The following DCC variants were observed in gnomAD, a reference collection of about 807,000 sequenced individuals.
DCC encodes the protein netrin receptor DCC.
Under a neutral mutation model 172.5 loss-of-function variants are expected in DCC, and 58 were observed. The observed-to-expected ratio is 0.34, with a 90% CI of 0.27 to 0.42. The LOEUF is 0.42. Among genes scored for constraint, DCC ranks in the 10% least tolerant of loss-of-function variants. The probability of loss-of-function intolerance (pLI) is 1.00; values close to 1 mark genes in which losing one functional copy is unlikely to be tolerated. For missense variants in DCC, 1,740 were observed against 1,791.0 expected (o/e 0.97, Z 0.51); for synonymous variants, 709 against 644.5 (o/e 1.10, Z -1.52).
intron 1 of DCC, among the ~76,000 whole-genome samples, chr18:52,660,637 C>G (rs1003037923): frequency 6.6e-6 from 1 of 152,136 alleles, no homozygotes; most frequent in East Asian, 1.9e-4. Context: ...TCTTAACTTT[C>G]GAATTACAGA....
chr18:53,339,473 T>C (rs1415816052), intron 14 of DCC, among the ~76,000 whole-genome samples: 11 of 152,184 alleles, frequency 7.2e-5, no homozygotes, highest in Non-Finnish European at 1.6e-4. Context: ...TAAAGATGCA[T>C]TGATGCTACC....
intron 5 of DCC, among the ~76,000 whole-genome samples, chr18:52,946,238 T>C (rs1234779232): frequency 6.6e-6 from 1 of 152,210 alleles, no homozygotes; most frequent in Non-Finnish European, 1.5e-5. Flanking sequence ...TACAAGACAG[T>C]AAACTTCTGA....
At chr18:52,346,911 C>G (rs1308887219) in intron 1 of DCC, among the ~76,000 whole-genome samples, 3 of 152,158 alleles carry the variant, frequency 2.0e-5, no homozygotes, top group Non-Finnish European at 4.4e-5. Flanking sequence ...CTTGCTCAGT[C>G]ATTTCACCAT....
intron 1 of DCC, among the ~76,000 whole-genome samples, chr18:52,628,721 A>T (rs1046860143): frequency 2.0e-5 from 3 of 152,226 alleles, no homozygotes; most frequent in South Asian, 4.1e-4. Context: ...AGGTAGCAGC[A>T]TGAGTAGGGA....
chr18:53,091,349 G>A (rs2043005941), intron 7 of DCC, among the ~76,000 whole-genome samples: 1 of 147,012 alleles, frequency 6.8e-6, no homozygotes, highest in Admixed American at 6.8e-5. Flanking sequence ...ATAAATATAT[G>A]AAAATATATA....
At chr18:52,797,683 G>A (rs1327895457) in intron 2 of DCC, among the ~76,000 whole-genome samples, 1 of 152,186 alleles carries the variant, frequency 6.6e-6, no homozygotes, top group Non-Finnish European at 1.5e-5. Flanking sequence ...GATGGTGTGT[G>A]CAGGCACCAG....
chr18:53,357,445 T>C (rs931573887), intron 15 of DCC, among the ~76,000 whole-genome samples: 3 of 152,164 alleles, frequency 2.0e-5, no homozygotes, highest in Admixed American at 6.6e-5. Context: ...GTTTTAAGTT[T>C]ATGAAATGCA....
At chr18:52,383,661 A>T (rs1278200000) in intron 1 of DCC, among the ~76,000 whole-genome samples, 3 of 151,972 alleles carry the variant, frequency 2.0e-5, no homozygotes, top group Admixed American at 6.6e-5. Context: ...TTCATGAATT[A>T]TTCAGATGTT....
At chr18:53,032,934 A>T (rs2042044781) in intron 5 of DCC, among the ~76,000 whole-genome samples, 1 of 152,122 alleles carries the variant, frequency 6.6e-6, no homozygotes, top group Admixed American at 6.6e-5. Flanking sequence ...CCCACATAAA[A>T]TCTTTAAAAG....
At chr18:53,021,926 A>C (rs895909233) in intron 5 of DCC, among the ~76,000 whole-genome samples, 2 of 152,224 alleles carry the variant, frequency 1.3e-5, no homozygotes, top group Non-Finnish European at 2.9e-5. Context: ...CCTACAAATA[A>C]CTACATCAAA....
chr18:52,878,986 TAGAG>T (rs1348301405), intron 2 of DCC, among the ~76,000 whole-genome samples: 2 of 152,120 alleles, frequency 1.3e-5, no homozygotes, highest in Admixed American at 1.3e-4. Context: ...ACAGAAGGCT[TAGAG>T]AGAAAAAGCT....
chr18:52,498,679 C>T (rs2030897301), intron 1 of DCC, among the ~76,000 whole-genome samples: 1 of 151,886 alleles, frequency 6.6e-6, no homozygotes, highest in Non-Finnish European at 1.5e-5. Context: ...TATTTTTTCT[C>T]AGAGTTTTAG....
chr18:52,656,869 GA>G (rs980408819), intron 1 of DCC, among the ~76,000 whole-genome samples: 6 of 151,770 alleles, frequency 4.0e-5, no homozygotes, highest in Admixed American at 2.6e-4. Context: ...CTTACTGCTA[GA>G]AAAAAAAGTC....
chr18:52,591,712 A>G (rs1456441757), intron 1 of DCC, among the ~76,000 whole-genome samples: 1 of 151,708 alleles, frequency 6.6e-6, no homozygotes, highest in Non-Finnish European at 1.5e-5. Context: ...CCTTCTGAGT[A>G]GCTGGAACTA....
At chr18:53,379,132 T>C (rs913484830) in intron 15 of DCC, among the ~76,000 whole-genome samples, 1 of 152,210 alleles carries the variant, frequency 6.6e-6, no homozygotes, top group Non-Finnish European at 1.5e-5. Context: ...CTGACAGCAA[T>C]CCCATGGCCT....
At chr18:52,783,547 C>T (rs898938485) in intron 2 of DCC, among the ~76,000 whole-genome samples, 16 of 151,502 alleles carry the variant, frequency 1.1e-4, no homozygotes, top group African/African-American at 3.9e-4. Context: ...CTGTAAAAGA[C>T]ATTGTAGTGT....
intron 12 of DCC, among the ~76,000 whole-genome samples, chr18:53,270,384 AG>A (rs2056735415): frequency 6.6e-6 from 1 of 152,102 alleles, no homozygotes; most frequent in African/African-American, 2.4e-5. Flanking sequence ...GAGGGGGAAA[AG>A]TGCCAAATAT....
chr18:53,515,794 A>AAAAG (rs1389902452), intron 27 of DCC, among the ~76,000 whole-genome samples: 3 of 151,944 alleles, frequency 2.0e-5, no homozygotes, highest in Non-Finnish European at 4.4e-5. Context: ...TCAAGGAAAT[A>AAAAG]AAAGAGGATA....
At chr18:52,425,454 T>C (rs1433900402) in intron 1 of DCC, among the ~76,000 whole-genome samples, 1 of 152,100 alleles carries the variant, frequency 6.6e-6, no homozygotes, top group African/African-American at 2.4e-5. Context: ...GATTTCAAGG[T>C]TGGTGCTACC....
Sources: allele counts gnomAD v4.1 joint callset (sites outside exome capture counted in the v4.1 genomes callset), GRCh38; gene constraint gnomAD v4.1.1; transcripts MANE v1.5; gene names NCBI Gene and HGNC (gene_info 2026-07-23, HGNC 2026-07-21).